The following NR5A2 variants were observed in gnomAD, a reference collection of about 807,000 sequenced individuals.
NR5A2 encodes nuclear receptor subfamily 5 group A member 2, also known as CYP7A promoter-binding factor.
Under a neutral mutation model 62.7 loss-of-function variants are expected in NR5A2, and 26 were observed. The observed-to-expected ratio is 0.41, with a 90% confidence interval of 0.30 to 0.58. NR5A2 has a LOEUF of 0.58. NR5A2 is among the 20% of genes least tolerant of loss of function. NR5A2 has a pLI of 0.22. For missense variants in NR5A2, 541 were observed against 669.1 expected (o/e 0.81, Z 2.11); for synonymous variants, 246 against 241.7 (o/e 1.02, Z -0.16).
Position 200,130,781 on chromosome 1 carries a change from C to CCA in NR5A2, c.1378+9836_1378+9837dup, listed in dbSNP as rs370803985. Among the ~76,000 whole-genome samples, 914 of 152,008 alleles carry CCA rather than the reference C, an allele frequency of 6.0e-3. 5 individuals are homozygous for CCA. The highest frequency in any genetic ancestry group is 0.021 in the African/African-American group (867 of 41,488). ...CCTCTAAATATGATTACATACTCAC[C>CCA]CACACACACACTGCCACTGGCTGGA... On this transcript the variant is annotated intron_variant, in intron 7 of 7. Coordinates refer to ENST00000367362, the MANE Select transcript of NR5A2 (RefSeq NM_205860.3).
At chr1:200,077,993 G>T (rs1053219664) in intron 5 of NR5A2, among the ~76,000 whole-genome samples, 1 of 152,106 alleles carries the variant, frequency 6.6e-6, no homozygotes, top group Non-Finnish European at 1.5e-5. Flanking sequence ...AGGGCTTCAT[G>T]GACTCATTGA....
rs1024315283 is a variant in NR5A2 at position 200,027,884 on chromosome 1, T to C, written c.37T>C (p.Ser13Pro). Residue 13 changes from serine (S) to proline (P), a missense_variant, in exon 1 of 8, where the codon TCT (serine) becomes CCT (proline). Ser to Pro is a moderately conservative substitution (Grantham distance 74). Around this residue, in one of 3 missense-constraint regions of NR5A2, gnomAD observed 108 missense variants for 103.3 expected, o/e 1.05. Coordinates refer to ENST00000367362, the MANE Select transcript of NR5A2 (RefSeq NM_205860.3). Reference sequence around the variant, plus strand: ...TTCAGATACTGGGGATTTACAAGAGTCTTTAAAGCACGGACTTACACCTAT... The same window carrying C: ...TTCAGATACTGGGGATTTACAAGAGCCTTTAAAGCACGGACTTACACCTAT... ...SNSDTGDLQESLKHGLTPIGA... is the reference protein window; with the variant it reads ...SNSDTGDLQEPLKHGLTPIGA... The C allele has an allele frequency of 5.6e-6, 9 of 1,604,954 alleles. No individual in the cohort carries two copies. The African/African-American group carries it at 1.2e-4, about 22-fold the overall frequency.
At chr1:200,120,299 AAC>A (rs1175614153) in intron 6 of NR5A2, among the ~76,000 whole-genome samples, 1 of 152,178 alleles carries the variant, frequency 6.6e-6, no homozygotes, top group African/African-American at 2.4e-5. Flanking sequence ...ATATACATAG[AAC>A]ACTCTCCTGG....
intron 7 of NR5A2, among the ~76,000 whole-genome samples, chr1:200,167,653 C>G (rs569151881): frequency 1.3e-5 from 2 of 152,308 alleles, no homozygotes; most frequent in South Asian, 4.1e-4. Context: ...AAAATCCAGA[C>G]CATCTGACAT....
chr1:200,084,016 T>C lies in NR5A2; in HGVS notation c.1111-27186T>C, dbSNP rs185150145. Among the ~76,000 whole-genome samples, 597 of 145,886 alleles carry C rather than the reference T, an allele frequency of 4.1e-3. 4 individuals carry two copies. The highest frequency in any genetic ancestry group is 0.014 in the African/African-American group (574 of 39,778). On this transcript the variant is annotated intron_variant, in intron 5 of 7. Coordinates refer to ENST00000367362, the MANE Select transcript of NR5A2 (RefSeq NM_205860.3). ...TAATAATAATAATAATAAAGTACAG[T>C]TTAAATACCATAGGGTAGGTCAGAT...
In NR5A2 at chr1:200,039,165, AAGG is replaced by A. The variant is rs1661926402; in HGVS notation, c.65-492_65-490del. On this transcript the variant is annotated intron_variant, in intron 1 of 7. Transcript: ENST00000367362. This position sits in a 1 kb window ranked among gnomAD's most constrained non-coding sequence, Gnocchi z 5.1. ...GAGAGAGGCAGAGAGAGATAGGGGG[AAGG>A]GGCGGAGAGGAGGGGAGAGAGAAGG... Among the ~76,000 whole-genome samples, 20 of 151,940 alleles carry A rather than the reference AAGG, an allele frequency of 1.3e-4. No individual in the cohort carries two copies. The highest frequency in any genetic ancestry group is 1.3e-3 in the Admixed American group (20 of 15,278).
At chr1:200,170,306 A>T (rs529397874) in intron 7 of NR5A2, among the ~76,000 whole-genome samples, 3 of 152,320 alleles carry the variant, frequency 2.0e-5, no homozygotes, top group African/African-American at 7.2e-5. Flanking sequence ...GCTTTGCATT[A>T]AACATGCTTT....
rs547192493 is a variant in NR5A2 at position 200,095,047 on chromosome 1, G to C, written c.1111-16155G>C. On this transcript the variant is annotated intron_variant, in intron 5 of 7. Transcript: ENST00000367362. ...GGATATAATTCTGTCCCCAGCCTTT[G>C]TGAAGACAGATGGTCACAATGAGGA... 2.0e-5 allele frequency among the ~76,000 whole-genome samples: 3 copies of C among 151,866 alleles called. No homozygotes were observed. The South Asian group carries it at 6.2e-4, about 32-fold the overall frequency.
chr1:200,028,166 C>T (rs1661412511), intron 1 of NR5A2, among the ~76,000 whole-genome samples: 1 of 151,840 alleles, frequency 6.6e-6, no homozygotes, highest in Non-Finnish European at 1.5e-5. Flanking sequence ...CCCTAATCAG[C>T]CAGAAAATAT....
At chr1:200,041,795 AAG>A (rs1012466232) in intron 2 of NR5A2, among the ~76,000 whole-genome samples, 7 of 152,026 alleles carry the variant, frequency 4.6e-5, no homozygotes, top group Non-Finnish European at 2.9e-5. Flanking sequence ...GGGTTTTTTC[AAG>A]AGAGTCTCTA....
At chr1:200,090,669 A>G (rs181165809) in intron 5 of NR5A2, among the ~76,000 whole-genome samples, 2 of 152,322 alleles carry the variant, frequency 1.3e-5, no homozygotes, top group East Asian at 3.9e-4. Flanking sequence ...AAGTAAGATC[A>G]GGGACATCCA....
intron 7 of NR5A2, among the ~76,000 whole-genome samples, chr1:200,143,556 A>G (rs1667538460): frequency 6.6e-6 from 1 of 151,082 alleles, no homozygotes; most frequent in South Asian, 2.1e-4. Context: ...TGCCACATGC[A>G]TGGTTGCCAC....
At chr1:200,099,883 C>T (rs1391701669) in intron 5 of NR5A2, among the ~76,000 whole-genome samples, 4 of 152,152 alleles carry the variant, frequency 2.6e-5, no homozygotes, top group Non-Finnish European at 4.4e-5. Context: ...TGAGCCACCG[C>T]GCCTGGCCAC....
intron 5 of NR5A2, among the ~76,000 whole-genome samples, chr1:200,082,520 G>A (rs1388409419): frequency 1.3e-5 from 2 of 152,010 alleles, no homozygotes; most frequent in East Asian, 1.9e-4. Flanking sequence ...GAGTCAAACC[G>A]AAAAAAATGT....
rs1664377692 is a variant in NR5A2 at position 200,083,355 on chromosome 1, G to C, written c.1111-27847G>C. Among the ~76,000 whole-genome samples, 4 of 152,104 alleles carry C rather than the reference G, an allele frequency of 2.6e-5. 1 individual carries two copies. In the South Asian group the frequency reaches 8.3e-4, roughly 32 times the overall value. Reference sequence around the variant, plus strand: ...TCTTAAGTAACAAATGTCATCATTTGCTGTCCAAGTAATTTTCAATACAAT... The same window carrying C: ...TCTTAAGTAACAAATGTCATCATTTCCTGTCCAAGTAATTTTCAATACAAT... On this transcript the variant is annotated intron_variant, in intron 5 of 7. Transcript: ENST00000367362.
At chr1:200,126,612 CTATT>C (rs1666714281) in intron 7 of NR5A2, among the ~76,000 whole-genome samples, 1 of 151,166 alleles carries the variant, frequency 6.6e-6, no homozygotes, top group Non-Finnish European at 1.5e-5. Context: ...CTATGGATAA[CTATT>C]AGAGGATTTG....
chr1:200,052,885 C>A (rs1455799507), intron 5 of NR5A2, among the ~76,000 whole-genome samples: 1 of 152,182 alleles, frequency 6.6e-6, no homozygotes. Context: ...TGCGATCCGC[C>A]CGCCTTGGCC....
intron 5 of NR5A2, among the ~76,000 whole-genome samples, chr1:200,076,808 A>G (rs948561561): frequency 6.6e-6 from 1 of 152,182 alleles, no homozygotes; most frequent in Non-Finnish European, 1.5e-5. Context: ...TTTTTTGGTA[A>G]TAGGTGGCAT....
chr1:200,034,182 G>T (rs937835315), intron 1 of NR5A2, among the ~76,000 whole-genome samples: 1 of 152,212 alleles, frequency 6.6e-6, no homozygotes, highest in African/African-American at 2.4e-5. Context: ...TGTTCAGCTA[G>T]TTTCACAAGG....
Sources: gnomAD v4.1 joint callset for allele counts (sites outside exome capture counted in the v4.1 genomes callset) on GRCh38, gnomAD v4.1.1 for gene constraint, gnomAD v4.1.1 regional missense constraint, Gnocchi (gnomAD v3.1) non-coding constraint, MANE v1.5 for transcripts, NCBI Gene and HGNC (gene_info 2026-07-23, HGNC 2026-07-21) for gene names.